SEL1L: variants seen among roughly 807,000 people sequenced by gnomAD.
SEL1L encodes SEL1L adaptor subunit of SYVN1 ubiquitin ligase.
A neutral mutation model predicts 109.8 loss-of-function variants in SEL1L; 52 were observed. The observed-to-expected ratio is 0.47, with a 90% confidence interval of 0.38 to 0.60. The LOEUF is 0.60. SEL1L is among the 20% of genes least tolerant of loss of function. SEL1L has a pLI of 0.00. For synonymous variants in SEL1L, 373 were observed against 339.6 expected (o/e 1.10, Z -1.08); for missense variants, 749 against 962.2 (o/e 0.78, Z 2.93).
intron 10 of SEL1L, among the ~76,000 whole-genome samples, chr14:81,495,439 C>T (rs1255945089): frequency 6.6e-6 from 1 of 152,100 alleles, no homozygotes; most frequent in Non-Finnish European, 1.5e-5. Flanking sequence ...AGTTGAAGAA[C>T]AACTTGGGCA....
At chr14:81,510,046 A>AAG (rs1292576951) in intron 3 of SEL1L, among the ~76,000 whole-genome samples, 1 of 152,234 alleles carries the variant, frequency 6.6e-6, no homozygotes, top group African/African-American at 2.4e-5. Flanking sequence ...AAGAGGATCA[A>AAG]AGGCTGAGTC....
rs913602591 is a variant in SEL1L at position 81,495,228 on chromosome 14, T to C, written c.1129-91A>G. 6.0e-6 allele frequency: 7 copies of C among 1,170,114 alleles called. No individual in the cohort carries two copies. The African/African-American group carries it at 7.5e-5, about 13-fold the overall frequency. The allele number at this position is 1,170,114 out of a possible 1,614,324, so 72.5% of individuals were successfully genotyped here. A position where few individuals can be genotyped will look rare whatever the true frequency, so the allele number is the denominator to read the frequency against. The stretch of plus-strand genomic sequence containing the variant: ...AACAAGAAATGATTTGGTCGTAAAA[T>C]GGCTTCTGTTCATGACTCAAAAAAC... On this transcript the variant is annotated intron_variant, in intron 10 of 20. Coordinates refer to ENST00000336735, the MANE Select transcript of SEL1L (RefSeq NM_005065.6).
intron 19 of SEL1L, among the ~76,000 whole-genome samples, chr14:81,483,112 CT>C (rs1244727177): frequency 2.6e-5 from 4 of 152,176 alleles, no homozygotes; most frequent in Non-Finnish European, 5.9e-5. Context: ...GCATCTAACT[CT>C]TAAGGTAGTT....
chr14:81,488,564 T>C lies in SEL1L; in HGVS notation c.1396-622A>G, dbSNP rs80181046. Among the ~76,000 whole-genome samples, 472 of 152,150 alleles carry C rather than the reference T, an allele frequency of 3.1e-3. 1 individual carries two copies. Among genetic ancestry groups the C allele is most frequent in the African/African-American group, 0.011 (439 of 41,506 alleles). The stretch of plus-strand genomic sequence containing the variant: ...GCACATATTACTTGGAAAGATCAAA[T>C]AGAGAAGGAAACTGCAACGTGAATC... On this transcript the variant is annotated intron_variant, in intron 14 of 20. Transcript: ENST00000336735.
At chr14:81,488,069 ACTTT>A (rs1883384964) in intron 14 of SEL1L, 127 bp from the exon 15 acceptor site, 1 of 645,396 alleles carries the variant, frequency 1.5e-6, no homozygotes, top group African/African-American at 1.8e-5. Flanking sequence ...TAAAAAGACC[ACTTT>A]CTAATTCTTA....
intron 3 of SEL1L, among the ~76,000 whole-genome samples, chr14:81,519,692 G>A (rs1484286109): frequency 2.0e-5 from 3 of 152,096 alleles, no homozygotes; most frequent in African/African-American, 7.2e-5. Flanking sequence ...AGGCCAGATA[G>A]GAAGCTCTTA....
chr14:81,524,809 G>C (rs961499789), intron 3 of SEL1L, among the ~76,000 whole-genome samples: 2 of 152,142 alleles, frequency 1.3e-5, no homozygotes, highest in African/African-American at 2.4e-5. Context: ...GGGAGGTGGA[G>C]GCTGCAGTAA....
intron 1 of SEL1L, among the ~76,000 whole-genome samples, chr14:81,529,112 A>C (rs1885229212): frequency 6.6e-6 from 1 of 152,150 alleles, no homozygotes; most frequent in Non-Finnish European, 1.5e-5. Flanking sequence ...GGTGGAGAGA[A>C]GGGTATGCCA....
chr14:81,526,103 C>CA (rs1885101633), intron 3 of SEL1L, among the ~76,000 whole-genome samples: 1 of 152,004 alleles, frequency 6.6e-6, no homozygotes, highest in East Asian at 1.9e-4. Flanking sequence ...AGGCAGTGAT[C>CA]ATTGAAATAA....
chr14:81,512,149 A>G (rs1884505196), intron 3 of SEL1L, among the ~76,000 whole-genome samples: 1 of 150,778 alleles, frequency 6.6e-6, no homozygotes, highest in Admixed American at 6.5e-5. Flanking sequence ...TTTTTGGATG[A>G]AATTATTTAA....
At chr14:81,494,998 G>T in intron 11 of SEL1L, 83 bp downstream of exon 11, 1 of 1,313,048 alleles carries the variant, frequency 7.6e-7, no homozygotes, top group South Asian at 1.3e-5. Context: ...GTTTGATACT[G>T]GTATTGACTT....
At chr14:81,504,090 T>G in intron 5 of SEL1L, 111 bp downstream of exon 5, 1 of 566,066 alleles carries the variant, frequency 1.8e-6, no homozygotes, top group Non-Finnish European at 3.0e-6. Flanking sequence ...GTAATGGAAC[T>G]TAAAAAAATC....
At chr14:81,503,344 T>A (rs28495615) in intron 5 of SEL1L, among the ~76,000 whole-genome samples, 5,405 of 152,222 alleles carry the variant, frequency 0.036, 181 homozygotes, top group African/African-American at 0.09. Context: ...TCCCTTTTTT[T>A]AATTTTTTTT....
At position 81,471,644 on chromosome 14, in the gene SEL1L, A is replaced by T. The variant is rs1195449660; in HGVS notation, c.*5328T>A. On this transcript the variant is annotated 3_prime_UTR_variant, in exon 21 of 21. Transcript: ENST00000336735. ...GAGAAAAAATTGTGTGGTTTTTAGA[A>T]ATGGGATTTAATATACAATTCAGCA... is the stretch of plus-strand genomic sequence containing the variant. The T allele has an allele frequency of 1.3e-5, 2 of 152,214 alleles. No individual in the cohort carries two copies. Among genetic ancestry groups the T allele is most frequent in the East Asian group, 3.8e-4 (2 of 5,202 alleles). The allele number at this position is 152,214 out of a possible 1,614,324, so 9.4% of individuals were successfully genotyped here.
chr14:81,498,581 G>A, intron 8 of SEL1L, 87 bp from the exon 9 acceptor site: 1 of 963,916 alleles, frequency 1.0e-6, no homozygotes, highest in Non-Finnish European at 1.6e-6. Context: ...AGCATACCCA[G>A]AATTTTGCTG....
chr14:81,527,111 G>A (rs1885143242), intron 2 of SEL1L, 147 bp from the exon 3 acceptor site: 2 of 626,172 alleles, frequency 3.2e-6, no homozygotes, highest in African/African-American at 1.9e-5. Flanking sequence ...TTTGGCATGT[G>A]TCCATCACGT....
chr14:81,520,230 A>C (rs967173311), intron 3 of SEL1L, among the ~76,000 whole-genome samples: 1 of 152,206 alleles, frequency 6.6e-6, no homozygotes, highest in African/African-American at 2.4e-5. Flanking sequence ...ATTAAAAACA[A>C]ATCTAAATCA....
chr14:81,524,461 G>A (rs1353790878), intron 3 of SEL1L, among the ~76,000 whole-genome samples: 2 of 152,190 alleles, frequency 1.3e-5, no homozygotes, highest in African/African-American at 4.8e-5. Context: ...ATAAACAGCA[G>A]ATAATGGAAC....
At chr14:81,497,379 T>C (rs1883806963) in intron 10 of SEL1L, among the ~76,000 whole-genome samples, 1 of 152,250 alleles carries the variant, frequency 6.6e-6, no homozygotes, top group Admixed American at 6.5e-5. Flanking sequence ...TGTGCACACA[T>C]GGTACTTTGA....
Sources: gnomAD v4.1 joint callset for allele counts (sites outside exome capture counted in the v4.1 genomes callset) on GRCh38, gnomAD v4.1.1 for gene constraint, MANE v1.5 for transcripts, NCBI Gene and HGNC (gene_info 2026-07-23, HGNC 2026-07-21) for gene names.